Variants in HTR1F observed in about 807,000 individuals in gnomAD.
HTR1F encodes 5-hydroxytryptamine receptor 1F, also known as 5-hydroxytryptamine (serotonin) receptor 1F, G protein-coupled.
In HTR1F, 17 loss-of-function variants were observed where a neutral mutation model predicts 24.0. That is an observed-to-expected ratio of 0.71 (90% confidence interval 0.48 to 1.06). HTR1F has a LOEUF of 1.06. HTR1F is among the 50% of genes least tolerant of loss of function. HTR1F has a pLI of 0.00. For synonymous variants in HTR1F, 186 were observed against 156.8 expected (o/e 1.19, Z -1.39); for missense variants, 391 against 427.8 (o/e 0.91, Z 0.76).
intron 1 of HTR1F, among the ~76,000 whole-genome samples, chr3:87,816,035 A>T (rs1704244185): frequency 6.6e-6 from 1 of 152,096 alleles, no homozygotes. Context: ...AGAGAAGTGA[A>T]CCTTGAGCAA....
intron 2 of HTR1F, among the ~76,000 whole-genome samples, chr3:87,839,007 A>ATTTTAT (rs1704741432): frequency 2.1e-5 from 3 of 141,972 alleles, no homozygotes; most frequent in African/African-American, 8.1e-5. Context: ...TTATTTATTT[A>ATTTTAT]TTTTATTTTT....
intron 2 of HTR1F, among the ~76,000 whole-genome samples, chr3:87,972,723 C>A (rs913584123): frequency 6.6e-6 from 1 of 152,250 alleles, no homozygotes; most frequent in East Asian, 1.9e-4. Flanking sequence ...AGGAATCAAA[C>A]CTCCTTCTTC....
intron 1 of HTR1F, among the ~76,000 whole-genome samples, chr3:87,812,573 G>A (rs887047178): frequency 6.6e-6 from 1 of 152,202 alleles, no homozygotes; most frequent in African/African-American, 2.4e-5. Context: ...CATTTTCTGA[G>A]AATAATTTCA....
At chr3:87,918,508 T>C (rs555493628) in intron 2 of HTR1F, among the ~76,000 whole-genome samples, 106 of 152,178 alleles carry the variant, frequency 7.0e-4, no homozygotes, top group Non-Finnish European at 1.3e-3. Flanking sequence ...CTAGAACTGA[T>C]AAAAGAATTT....
intron 2 of HTR1F, among the ~76,000 whole-genome samples, chr3:87,959,474 C>T (rs1400246484): frequency 6.6e-6 from 1 of 151,812 alleles, no homozygotes; most frequent in African/African-American, 2.4e-5. Context: ...TAGTAGAAAT[C>T]TAATAGAGCC....
intron 2 of HTR1F, among the ~76,000 whole-genome samples, chr3:87,825,099 GT>G (rs1384238710): frequency 3.9e-5 from 6 of 152,130 alleles, no homozygotes; most frequent in Non-Finnish European, 8.8e-5. Context: ...CAATAAATCT[GT>G]TTTCCTACTC....
intron 1 of HTR1F, among the ~76,000 whole-genome samples, chr3:87,818,821 G>C (rs965187684): frequency 6.6e-6 from 1 of 152,122 alleles, no homozygotes; most frequent in Non-Finnish European, 1.5e-5. Context: ...CCCCTCATTT[G>C]CCTCATCCTA....
chr3:87,803,218 A>G (rs1015701444), intron 1 of HTR1F, among the ~76,000 whole-genome samples: 22 of 152,200 alleles, frequency 1.4e-4, no homozygotes, highest in Admixed American at 1.3e-4. Flanking sequence ...ATATCAGAAG[A>G]GAGAAAATAT....
At chr3:87,862,533 G>C (rs1453739537) in intron 2 of HTR1F, among the ~76,000 whole-genome samples, 1 of 152,054 alleles carries the variant, frequency 6.6e-6, no homozygotes, top group Non-Finnish European at 1.5e-5. Flanking sequence ...AATTCAAACT[G>C]GCAGTGTTTC....
chr3:87,936,745 G>A (rs1160241356), intron 2 of HTR1F, among the ~76,000 whole-genome samples: 1 of 152,086 alleles, frequency 6.6e-6, no homozygotes, highest in East Asian at 1.9e-4. Flanking sequence ...TGGGGATTCA[G>A]GACAGCCAGA....
intron 2 of HTR1F, among the ~76,000 whole-genome samples, chr3:87,893,971 A>AT (rs922022379): frequency 3.3e-5 from 5 of 150,380 alleles, no homozygotes; most frequent in East Asian, 1.9e-4. Flanking sequence ...TTGTTTACTC[A>AT]TTTTTTTTCC....
intron 2 of HTR1F, among the ~76,000 whole-genome samples, chr3:87,942,736 GGCC>G (rs1704600242): frequency 7.0e-6 from 1 of 142,848 alleles, no homozygotes; most frequent in African/African-American, 2.8e-5. Flanking sequence ...CTAAAGCGGT[GGCC>G]TTTTTTTTTT....
intron 2 of HTR1F, among the ~76,000 whole-genome samples, chr3:87,877,983 C>A (rs1411784357): frequency 5.3e-5 from 8 of 152,038 alleles, no homozygotes; most frequent in Admixed American, 3.9e-4. Context: ...TATTTAAGTT[C>A]TTCTAAAATG....
rs1180721259 is a variant in HTR1F, at chr3:87,993,728, CTT to C, written c.*1880_*1881del. The C allele has an allele frequency of 2.4e-5, 4 of 167,046 alleles. No individual in the cohort carries two copies. Among genetic ancestry groups the C allele is most frequent in the Non-Finnish European group, 4.4e-5 (3 of 68,078 alleles). The allele number at this position is 167,046 out of a possible 1,614,324, so 10.3% of individuals were successfully genotyped here. On this transcript the variant is annotated 3_prime_UTR_variant, in exon 3 of 3. Transcript: ENST00000319595. ...AAAAATTGGGCATTTTTGTGGCTGA[CTT>C]TGAACGTCAGAAAAAAGTCTACAGT...
intron 2 of HTR1F, among the ~76,000 whole-genome samples, chr3:87,980,974 G>A (rs1400335825): frequency 6.6e-6 from 1 of 152,144 alleles, no homozygotes; most frequent in Non-Finnish European, 1.5e-5. Flanking sequence ...CACAGCTGTA[G>A]CTGGGGGGCT....
chr3:87,875,224 G>A (rs1408098513), intron 2 of HTR1F, among the ~76,000 whole-genome samples: 1 of 152,114 alleles, frequency 6.6e-6, no homozygotes, highest in Non-Finnish European at 1.5e-5. Context: ...GCTGAGGCAG[G>A]TGGATCACTT....
intron 2 of HTR1F, among the ~76,000 whole-genome samples, chr3:87,842,269 C>A (rs1376692612): frequency 6.6e-5 from 10 of 151,634 alleles, no homozygotes; most frequent in Non-Finnish European, 1.5e-4. Context: ...TTAAGCAATT[C>A]TCTGCCTCAG....
rs574064198 is a variant in HTR1F at position 87,843,097 on chromosome 3, T to C, written c.-43+20973T>C. ...AAGCCGCTGAGGTTTTATCTGTACC[T>C]CTGCATCTGGAATGATGCTACACAT... On this transcript the variant is annotated intron_variant, in intron 2 of 2. Coordinates refer to ENST00000319595, the MANE Select transcript of HTR1F (RefSeq NM_001322209.2). Among the ~76,000 whole-genome samples the C allele has an allele frequency of 7.9e-5, 12 of 151,994 alleles. No homozygotes were observed. The East Asian group carries it at 2.3e-3, about 29-fold the overall frequency.
At chr3:87,805,486 C>A (rs543125809) in intron 1 of HTR1F, among the ~76,000 whole-genome samples, 4 of 151,546 alleles carry the variant, frequency 2.6e-5, no homozygotes, top group Non-Finnish European at 5.9e-5. Context: ...TATTTCATAT[C>A]TTTTTTTTAT....
Sources: allele counts gnomAD v4.1 joint callset (sites outside exome capture counted in the v4.1 genomes callset), GRCh38; gene constraint gnomAD v4.1.1; transcripts MANE v1.5; gene names NCBI Gene and HGNC (gene_info 2026-07-23, HGNC 2026-07-21).